FGF19: variants seen among roughly 807,000 people sequenced by gnomAD.
FGF19 encodes FGF-19.
In FGF19, 5 loss-of-function variants were observed where a neutral mutation model predicts 8.9. The observed-to-expected ratio is 0.56, with a 90% CI of 0.29 to 1.18. FGF19 has a LOEUF of 1.18. Ranked by LOEUF, FGF19 falls within the 50% of genes most tolerant of loss-of-function variation. The pLI is 0.08. For missense variants in FGF19, 237 were observed against 293.9 expected, an observed-to-expected ratio of 0.81 and a Z score of 1.42; for synonymous variants, 124 against 128.0, an observed-to-expected ratio of 0.97 and a Z score of 0.21.
chr11:69,698,645 A>G lies in FGF19; in HGVS notation c.*617T>C, dbSNP rs1854732369. The stretch of plus-strand genomic sequence containing the variant: ...CATGACAGAACTGGCCTCAGGGGGA[A>G]TTCTCAAGTTGTCCCAGGGCTGGAG... On this transcript the variant is annotated 3_prime_UTR_variant, in exon 3 of 3. Coordinates refer to ENST00000294312, the MANE Select transcript of FGF19 (RefSeq NM_005117.3). 1 of 196,636 alleles carries G rather than the reference A, an allele frequency of 5.1e-6. No homozygotes were observed. The highest frequency in any genetic ancestry group is 2.3e-5 in the African/African-American group (1 of 43,146). The allele number at this position is 196,636 out of a possible 1,614,324, so 12.2% of individuals were successfully genotyped here.
rs1457972602 is a variant in FGF19, at chr11:69,702,641, G to T, written c.336+620C>A. ...TGCCCCCACCAGAAAGCGTTTACAG[G>T]ACAGGTGAGGCCCGCAGGAGGAAAA... On this transcript the variant is annotated intron_variant, in intron 2 of 2. Coordinates refer to ENST00000294312, the MANE Select transcript of FGF19 (RefSeq NM_005117.3). The surrounding 1 kb of genome is among the most constrained non-coding windows in gnomAD (Gnocchi z 4.6). 1.3e-5 allele frequency among the ~76,000 whole-genome samples: 2 copies of T among 152,058 alleles called. No individual in the cohort carries two copies. Among genetic ancestry groups the T allele is most frequent in the Non-Finnish European group, 2.9e-5 (2 of 68,012 alleles).
Position 69,703,366 on chromosome 11 carries a change from T to C in FGF19, c.233-2A>G. The C allele has an allele frequency of 6.2e-7, 1 of 1,602,928 alleles. No homozygotes were observed. The highest frequency in any genetic ancestry group is 8.5e-7 in the Non-Finnish European group (1 of 1,174,900). On this transcript the variant is annotated splice_acceptor_variant, in intron 1 of 2. Transcript: ENST00000294312. LOFTEE classifies it high-confidence loss of function. The surrounding 1 kb of genome is among the most constrained non-coding windows in gnomAD (Gnocchi z 6.8). Reference sequence around the variant, plus strand: ...CGACTGCCTTGATCTCCAGCAAACCTAGGCGCAGGGGAAGCGAGAAGCTGC... The same window carrying C: ...CGACTGCCTTGATCTCCAGCAAACCCAGGCGCAGGGGAAGCGAGAAGCTGC...
Position 69,703,638 on chromosome 11 carries a change from C to T in FGF19, c.232+7G>A. The T allele has an allele frequency of 8.2e-7, 1 of 1,219,044 alleles. No homozygotes were observed. Among genetic ancestry groups the T allele is most frequent in the Non-Finnish European group, 1.0e-6 (1 of 976,394 alleles). The allele number at this position is 1,219,044 out of a possible 1,614,324, so 75.5% of individuals were successfully genotyped here. A position where few individuals can be genotyped will look rare whatever the true frequency, so the allele number is the denominator to read the frequency against. On this transcript the variant is annotated splice_region_variant and intron_variant, in intron 1 of 2. Transcript: ENST00000294312. This position sits in a 1 kb window ranked among gnomAD's most constrained non-coding sequence, Gnocchi z 6.8. ...CGGGGCGGGCGGGGGTGCTGGCGGG[C>T]ACTCACTGTGCGCGCTCTGGCCCCG...
In FGF19 at chr11:69,703,251, G is replaced by T. The variant is rs769977243; in HGVS notation, c.336+10C>A. 6.3e-7 allele frequency: 1 copy of T among 1,580,558 alleles called. No individual in the cohort carries two copies. On this transcript the variant is annotated intron_variant, in intron 2 of 2. Transcript: ENST00000294312. This position sits in a 1 kb window ranked among gnomAD's most constrained non-coding sequence, Gnocchi z 6.8. ...CCGCCCCGGCGCATCCGCCCCGTGG[G>T]GACACTTACCAGCCCCTGCATCTTG...
At chr11:69,699,833 C>A (rs1854749282) in intron 2 of FGF19, among the ~76,000 whole-genome samples, 1 of 152,170 alleles carries the variant, frequency 6.6e-6, no homozygotes, top group Non-Finnish European at 1.5e-5. Context: ...CACCTGTAGT[C>A]CCAGCACTTT....
Position 69,703,828 on chromosome 11 carries a change from A to G in FGF19, c.49T>C (p.Trp17Arg). 1.6e-6 allele frequency: 2 copies of G among 1,236,514 alleles called. No individual in the cohort carries two copies. Among genetic ancestry groups the G allele is most frequent in the Non-Finnish European group, 1.0e-6 (1 of 990,164 alleles). The allele number at this position is 1,236,514 out of a possible 1,614,324, so 76.6% of individuals were successfully genotyped here. A position where few individuals can be genotyped will look rare whatever the true frequency, so the allele number is the denominator to read the frequency against. The stretch of plus-strand genomic sequence containing the variant: ...AGGGGGCGCCCGGCCACGGCCAGCC[A>G]GAGGCCGGCCAGGATCCATACGTGG... The part of the protein sequence containing the change: ...VVHVWILAGL[W>R]LAVAGRPLAF... Residue 17 changes from tryptophan (W) to arginine (R), a missense_variant, in exon 1 of 3, where the codon TGG (tryptophan) becomes CGG (arginine). Transcript: ENST00000294312. This position sits in a 1 kb window ranked among gnomAD's most constrained non-coding sequence, Gnocchi z 6.8.
Position 69,702,370 on chromosome 11 carries a change from C to A in FGF19, c.336+891G>T, listed in dbSNP as rs1325102567. On this transcript the variant is annotated intron_variant, in intron 2 of 2. Coordinates refer to ENST00000294312, the MANE Select transcript of FGF19 (RefSeq NM_005117.3). The surrounding 1 kb of genome is among the most constrained non-coding windows in gnomAD (Gnocchi z 4.6). ...TCTGCATCCTTTCTGGGGTGGGGGC[C>A]CCGGGCAGGCGCGGCCACCCCCGCC... Among the ~76,000 whole-genome samples, 3 of 152,166 alleles carry A rather than the reference C, an allele frequency of 2.0e-5. No individual in the cohort carries two copies. The highest frequency in any genetic ancestry group is 7.2e-5 in the African/African-American group (3 of 41,454).
chr11:69,701,965 CAAAAAAAAAAAAAAA>C (rs59026695), intron 2 of FGF19, among the ~76,000 whole-genome samples: 2 of 72,906 alleles, frequency 2.7e-5, no homozygotes, highest in African/African-American at 1.3e-4. Flanking sequence ...AAGACTCTGC[CAAAAAAAAAAAAAAA>C]AAAAAAAAAA....
chr11:69,700,436 C>T (rs1484031075), intron 2 of FGF19, among the ~76,000 whole-genome samples: 11 of 152,144 alleles, frequency 7.2e-5, no homozygotes, highest in Admixed American at 3.3e-4. Flanking sequence ...ACAGGAATGC[C>T]GTCTGTGTTT....
rs1176695802 is a variant in FGF19, at chr11:69,702,971, T to A, written c.336+290A>T. 6.6e-6 allele frequency among the ~76,000 whole-genome samples: 1 copy of A among 152,146 alleles called. No homozygotes were observed. Among genetic ancestry groups the A allele is most frequent in the Admixed American group, 6.5e-5 (1 of 15,278 alleles). On this transcript the variant is annotated intron_variant, in intron 2 of 2. Coordinates refer to ENST00000294312, the MANE Select transcript of FGF19 (RefSeq NM_005117.3). The surrounding 1 kb of genome is among the most constrained non-coding windows in gnomAD (Gnocchi z 4.6). ...CTGTTTAATATCAAAGGAGGCCGAATAATGGGTTTCCTCGGTCCGGCTAGG... is the reference window on the plus strand; with the variant it reads ...CTGTTTAATATCAAAGGAGGCCGAAAAATGGGTTTCCTCGGTCCGGCTAGG...
chr11:69,703,232 C>A lies in FGF19; in HGVS notation c.336+29G>T. On this transcript the variant is annotated intron_variant, in intron 2 of 2. Coordinates refer to ENST00000294312, the MANE Select transcript of FGF19 (RefSeq NM_005117.3). The surrounding 1 kb of genome is among the most constrained non-coding windows in gnomAD (Gnocchi z 6.8). ...GGGGACAGGCGCCGGTCCCCCGCCCCGGCGCATCCGCCCCGTGGGGACACT... is the reference window on the plus strand; with the variant it reads ...GGGGACAGGCGCCGGTCCCCCGCCCAGGCGCATCCGCCCCGTGGGGACACT... 6.6e-7 allele frequency: 1 copy of A among 1,509,632 alleles called. No homozygotes were observed. The highest frequency in any genetic ancestry group is 9.0e-7 in the Non-Finnish European group (1 of 1,107,254). 93.5% of individuals were successfully genotyped at this position (1,509,632 alleles called of 1,614,324 possible).
At chr11:69,701,606 C>CAAA (rs35300469) in intron 2 of FGF19, among the ~76,000 whole-genome samples, 163 of 59,056 alleles carry the variant, frequency 2.8e-3, no homozygotes, top group Non-Finnish European at 3.0e-3. Flanking sequence ...GACTCCGTCT[C>CAAA]AAAAAAAAAA....
rs998046105 is a variant in FGF19, at chr11:69,700,913, C to T, written c.337-1337G>A. 5.3e-5 allele frequency among the ~76,000 whole-genome samples: 8 copies of T among 152,364 alleles called. No homozygotes were observed. In the South Asian group the frequency reaches 6.2e-4, roughly 12 times the overall value. The stretch of plus-strand genomic sequence containing the variant: ...CCACACCGGTGTCATTACCCCTTGG[C>T]GACCCAGGACAGGCGCAGGCGGGAG... On this transcript the variant is annotated intron_variant, in intron 2 of 2. Coordinates refer to ENST00000294312, the MANE Select transcript of FGF19 (RefSeq NM_005117.3).
rs1295298638 is a variant in FGF19 at position 69,702,363 on chromosome 11, T to A, written c.336+898A>T. On this transcript the variant is annotated intron_variant, in intron 2 of 2. Transcript: ENST00000294312. The surrounding 1 kb of genome is among the most constrained non-coding windows in gnomAD (Gnocchi z 4.6). ...CCCCGCCTCTGCATCCTTTCTGGGG[T>A]GGGGGCCCCGGGCAGGCGCGGCCAC... Among the ~76,000 whole-genome samples the A allele has an allele frequency of 7.7e-4, 117 of 152,160 alleles. No homozygotes were observed. Among genetic ancestry groups the A allele is most frequent in the Non-Finnish European group, 1.0e-4 (7 of 67,968 alleles).
In FGF19 at chr11:69,702,160, T is replaced by C. The variant is rs1226601792; in HGVS notation, c.336+1101A>G. Among the ~76,000 whole-genome samples, 1 of 151,264 alleles carries C rather than the reference T, an allele frequency of 6.6e-6. No individual in the cohort carries two copies. Among genetic ancestry groups the C allele is most frequent in the Non-Finnish European group, 1.5e-5 (1 of 67,858 alleles). On this transcript the variant is annotated intron_variant, in intron 2 of 2. Coordinates refer to ENST00000294312, the MANE Select transcript of FGF19 (RefSeq NM_005117.3). The surrounding 1 kb of genome is among the most constrained non-coding windows in gnomAD (Gnocchi z 4.6). ...GGTTTGGAGCGGCTCTGGGTGGGAG[T>C]CAGCGTCCAGCGTGCCGACCACCCC...
rs1177393418 is a variant in FGF19 at position 69,699,269 on chromosome 11, T to C, written c.644A>G (p.Glu215Gly). The part of the protein sequence containing the change: ...GLEAVRSPSF[E>G]K The stretch of plus-strand genomic sequence containing the variant: ...GCCCGGGCATGGTCTCAGTTACTTC[T>C]CAAAGCTGGGACTCCTCACGGCCTC... Residue 215 changes from glutamate to glycine, a missense_variant, in exon 3 of 3, where the codon GAG (glutamate) becomes GGG (glycine). Physicochemically the swap from Glu to Gly is moderately conservative, Grantham distance 98. Transcript: ENST00000294312. The C allele has an allele frequency of 6.2e-7, 1 of 1,608,500 alleles. No homozygotes were observed. The highest frequency in any genetic ancestry group is 8.5e-7 in the Non-Finnish European group (1 of 1,176,812).
chr11:69,703,949 C>T lies in FGF19; in HGVS notation c.-73G>A, dbSNP rs546268599. The stretch of plus-strand genomic sequence containing the variant: ...GAGGCTGGGCGGCGACCGGGATGCG[C>T]TGCGGGGCTGTGAGTGCCGGGTTGG... On this transcript the variant is annotated 5_prime_UTR_variant, in exon 1 of 3. Transcript: ENST00000294312. The surrounding 1 kb of genome is among the most constrained non-coding windows in gnomAD (Gnocchi z 6.8). The T allele has an allele frequency of 6.5e-4, 599 of 924,144 alleles. 1 individual carries two copies. Among genetic ancestry groups the T allele is most frequent in the Middle Eastern group, 4.1e-3 (11 of 2,658 alleles). 57.2% of individuals were successfully genotyped at this position (924,144 alleles called of 1,614,324 possible).
chr11:69,703,721 G>C lies in FGF19; in HGVS notation c.156C>G (p.Pro52=). ...GCAGGAAGCAGCTGGAGAGCCCGTG[G>C]GGGCCGGAGGTGTACAGGTGCCGCA... The part of the protein sequence containing the change: ...IRLRHLYTSG[P]HGLSSCFLRI... Residue 52 remains proline, a synonymous_variant, in exon 1 of 3, where the codon CCC becomes CCG. Coordinates refer to ENST00000294312, the MANE Select transcript of FGF19 (RefSeq NM_005117.3). This position sits in a 1 kb window ranked among gnomAD's most constrained non-coding sequence, Gnocchi z 6.8. 8.1e-7 allele frequency: 1 copy of C among 1,233,698 alleles called. No homozygotes were observed. Among genetic ancestry groups the C allele is most frequent in the Non-Finnish European group, 1.0e-6 (1 of 988,822 alleles). 76.4% of individuals were successfully genotyped at this position (1,233,698 alleles called of 1,614,324 possible). A position where few individuals can be genotyped will look rare whatever the true frequency, so the allele number is the denominator to read the frequency against.
chr11:69,703,967 C>T lies in FGF19; in HGVS notation c.-91G>A. 1 of 776,578 alleles carries T rather than the reference C, an allele frequency of 1.3e-6. No individual in the cohort carries two copies. 48.1% of individuals were successfully genotyped at this position (776,578 alleles called of 1,614,324 possible). A position where few individuals can be genotyped will look rare whatever the true frequency, so the allele number is the denominator to read the frequency against. ...GGATGCGCTGCGGGGCTGTGAGTGC[C>T]GGGTTGGGATGGTCGTGGCCCTAGA... On this transcript the variant is annotated 5_prime_UTR_variant, in exon 1 of 3. Coordinates refer to ENST00000294312, the MANE Select transcript of FGF19 (RefSeq NM_005117.3). The surrounding 1 kb of genome is among the most constrained non-coding windows in gnomAD (Gnocchi z 6.8).
Sources: gnomAD v4.1 joint callset for allele counts (sites outside exome capture counted in the v4.1 genomes callset) on GRCh38, gnomAD v4.1.1 for gene constraint, Gnocchi (gnomAD v3.1) non-coding constraint, MANE v1.5 for transcripts, NCBI Gene and HGNC (gene_info 2026-07-23, HGNC 2026-07-21) for gene names.